The following EXOC3L2 variants were observed in gnomAD, a reference collection of about 807,000 sequenced individuals.
The protein encoded by EXOC3L2 is exocyst complex component 3-like protein 2.
A neutral mutation model predicts 44.4 loss-of-function variants in EXOC3L2; 17 were observed. That is an observed-to-expected ratio of 0.38 (90% CI 0.26 to 0.57). The LOEUF (loss-of-function observed/expected upper bound fraction) is 0.57. EXOC3L2 is among the 20% of genes least tolerant of loss of function. The pLI is 0.65. For missense variants in EXOC3L2, 541 were observed against 588.4 expected (o/e 0.92, Z 0.83); for synonymous variants, 256 against 253.7 (o/e 1.01, Z -0.09).
chr19:45,237,219 G>A (rs1970091562), intron 2 of EXOC3L2, among the ~76,000 whole-genome samples: 1 of 152,126 alleles, frequency 6.6e-6, no homozygotes, highest in South Asian at 2.1e-4. Context: ...TGGCGTTTAG[G>A]CCAGGCGCAG....
chr19:45,213,237 A>G lies in EXOC3L2; in HGVS notation c.2241T>C (p.Pro747=). Residue 747 remains proline, a synonymous_variant, in exon 12 of 12, where the codon CCT becomes CCC. Transcript: ENST00000413988. Reference sequence around the variant, plus strand: ...TGTCTGCAAAGAAGGCACGGTCCCGAGGGGGTGACAGGGCTCCCTCCTCAG... The same window carrying G: ...TGTCTGCAAAGAAGGCACGGTCCCGGGGGGGTGACAGGGCTCCCTCCTCAG... ...ELSEEGALSP[P]RDRAFFADIP... is the part of the protein sequence containing the mutation. 1.2e-6 allele frequency: 2 copies of G among 1,612,796 alleles called. No homozygotes were observed. The highest frequency in any genetic ancestry group is 1.7e-6 in the Non-Finnish European group (2 of 1,179,402).
At chr19:45,244,939 C>G (rs1970157748) in intron 1 of EXOC3L2, among the ~76,000 whole-genome samples, 1 of 151,822 alleles carries the variant, frequency 6.6e-6, no homozygotes, top group Admixed American at 6.6e-5. Context: ...CTACCTGGTC[C>G]CTGTCTCCCA....
rs190356474 is a variant in EXOC3L2, at chr19:45,224,265, G to A, written c.1719+513C>T. Among the ~76,000 whole-genome samples, 471 of 152,140 alleles carry A rather than the reference G, an allele frequency of 3.1e-3. 3 individuals are homozygous for A. The highest frequency in any genetic ancestry group is 0.011 in the African/African-American group (444 of 41,496). ...GTGCCGGGTTGTGGGGGCTACAGTGGGATTTTGGCATTTGCTCTGCGTGAG... is the reference window on the plus strand; with the variant it reads ...GTGCCGGGTTGTGGGGGCTACAGTGAGATTTTGGCATTTGCTCTGCGTGAG... On this transcript the variant is annotated intron_variant, in intron 8 of 11. Coordinates refer to ENST00000413988, the MANE Select transcript of EXOC3L2 (RefSeq NM_001382422.1).
chr19:45,235,468 A>T (rs1970075064), intron 2 of EXOC3L2, among the ~76,000 whole-genome samples: 1 of 151,574 alleles, frequency 6.6e-6, no homozygotes, highest in Non-Finnish European at 1.5e-5. Context: ...CGGTGGGAGT[A>T]GGAGGGGCAG....
chr19:45,216,051 TG>T, intron 11 of EXOC3L2, 21 bp downstream of exon 11: 1 of 1,612,504 alleles, frequency 6.2e-7, no homozygotes, highest in Non-Finnish European at 8.5e-7. Context: ...CGGCGAGCCC[TG>T]GCCCAGGCGG....
chr19:45,243,586 T>C (rs1428211882), intron 1 of EXOC3L2, among the ~76,000 whole-genome samples: 2 of 152,164 alleles, frequency 1.3e-5, no homozygotes, highest in Non-Finnish European at 2.9e-5. Flanking sequence ...GTGCAATAGA[T>C]ACTCCCCCAT....
At chr19:45,241,604 G>A (rs1970132603) in intron 1 of EXOC3L2, among the ~76,000 whole-genome samples, 1 of 152,058 alleles carries the variant, frequency 6.6e-6, no homozygotes, top group Admixed American at 6.6e-5. Flanking sequence ...TCATGCTCTG[G>A]CAGCTGCACA....
intron 7 of EXOC3L2, among the ~76,000 whole-genome samples, chr19:45,225,586 G>T (rs1057129351): frequency 6.9e-6 from 1 of 145,972 alleles, no homozygotes; most frequent in Non-Finnish European, 1.5e-5. Context: ...GGTTCTAATG[G>T]TCTACAGCTC....
chr19:45,233,420 C>G (rs1179227114), intron 3 of EXOC3L2, among the ~76,000 whole-genome samples: 2 of 152,052 alleles, frequency 1.3e-5, no homozygotes, highest in African/African-American at 4.8e-5. Flanking sequence ...AAAGAGAAAG[C>G]AGTGTAGGAT....
intron 4 of EXOC3L2, 62 bp downstream of exon 4, chr19:45,231,701 G>A: frequency 7.0e-7 from 1 of 1,432,558 alleles, no homozygotes; most frequent in South Asian, 1.2e-5. Flanking sequence ...GGCTTCCCAA[G>A]CCCACTGTGA....
At chr19:45,237,233 C>G (rs1970091748) in intron 2 of EXOC3L2, among the ~76,000 whole-genome samples, 1 of 152,092 alleles carries the variant, frequency 6.6e-6, no homozygotes, top group Non-Finnish European at 1.5e-5. Flanking sequence ...GGCGCAGTGG[C>G]TCATGCCTGT....
intron 7 of EXOC3L2, among the ~76,000 whole-genome samples, chr19:45,226,070 C>T (rs1368364951): frequency 6.6e-6 from 1 of 152,204 alleles, no homozygotes; most frequent in Non-Finnish European, 1.5e-5. Flanking sequence ...CTGGATTCCA[C>T]TGCTTAGCTG....
chr19:45,213,529 T>C (rs1188945461), intron 11 of EXOC3L2, among the ~76,000 whole-genome samples, 172 bp from the exon 12 acceptor site: 2 of 151,932 alleles, frequency 1.3e-5, no homozygotes, highest in Non-Finnish European at 2.9e-5. Flanking sequence ...GCCCAGGCCC[T>C]CACCTCATAC....
intron 11 of EXOC3L2, 121 bp from the exon 12 acceptor site, chr19:45,213,478 T>A: frequency 8.4e-7 from 1 of 1,187,610 alleles, no homozygotes; most frequent in Non-Finnish European, 1.2e-6. Context: ...TTCTGGGGCC[T>A]CTGTGTCCCC....
chr19:45,232,671 A>G (rs1970043626), intron 3 of EXOC3L2, among the ~76,000 whole-genome samples: 1 of 152,192 alleles, frequency 6.6e-6, no homozygotes, highest in African/African-American at 2.4e-5. Context: ...AAGAATGGGT[A>G]TGTTTTAGGA....
intron 9 of EXOC3L2, 43 bp from the exon 10 acceptor site, chr19:45,217,726 C>T (rs1400581031): frequency 1.4e-6 from 2 of 1,384,686 alleles, no homozygotes; most frequent in Non-Finnish European, 1.9e-6. Flanking sequence ...GAGCCATGCC[C>T]CACGGACTCC....
intron 1 of EXOC3L2, among the ~76,000 whole-genome samples, chr19:45,243,545 A>G (rs1970146891): frequency 6.6e-6 from 1 of 152,168 alleles, no homozygotes; most frequent in Non-Finnish European, 1.5e-5. Flanking sequence ...AGTCACCATG[A>G]CGACCCCTTG....
At chr19:45,236,772 G>A (rs1007566707) in intron 2 of EXOC3L2, among the ~76,000 whole-genome samples, 1 of 151,960 alleles carries the variant, frequency 6.6e-6, no homozygotes, top group Non-Finnish European at 1.5e-5. Context: ...TGAGGCGGGT[G>A]GATCACCTGA....
At chr19:45,222,083 GCACA>G (rs370430100) in intron 8 of EXOC3L2, among the ~76,000 whole-genome samples, 23 of 151,162 alleles carry the variant, frequency 1.5e-4, no homozygotes, top group Non-Finnish European at 2.8e-4. Context: ...TGCACACGGC[GCACA>G]CACACACACA....
Sources: gnomAD v4.1 joint callset for allele counts (sites outside exome capture counted in the v4.1 genomes callset) on GRCh38, gnomAD v4.1.1 for gene constraint, MANE v1.5 for transcripts, NCBI Gene and HGNC (gene_info 2026-07-23, HGNC 2026-07-21) for gene names.